Variants in NSD3 observed in about 807,000 individuals in gnomAD.
NSD3 encodes the protein histone-lysine N-methyltransferase NSD3.
In NSD3, 24 loss-of-function variants were observed where a neutral mutation model predicts 160.8. The observed-to-expected ratio is 0.15, with a 90% confidence interval of 0.11 to 0.21. The LOEUF is 0.21. Ranked by LOEUF, NSD3 falls within the 10% of genes least tolerant of loss-of-function variation. The probability of loss-of-function intolerance (pLI) is 1.00; values close to 1 mark genes in which losing one functional copy is unlikely to be tolerated. For synonymous variants in NSD3, 520 were observed against 600.0 expected (o/e 0.87, Z 1.95); for missense variants, 1,157 against 1,735.9 (o/e 0.67, Z 5.93).
Position 38,331,477 on chromosome 8 carries a change from A to C in NSD3, c.1019T>G (p.Leu340Arg), listed in dbSNP as rs764316043. 6.2e-7 allele frequency: 1 copy of C among 1,610,780 alleles called. No homozygotes were observed. The highest frequency in any genetic ancestry group is 1.1e-5 in the South Asian group (1 of 90,124). The change falls in exon 5 of 24, where the codon CTG becomes CGG. Residue 340 changes from leucine (L) to arginine (R), a missense_variant. Physicochemically the swap from Leu to Arg is moderately radical, Grantham distance 102. This residue lies in a region of NSD3 where 168 missense variants were observed against 208.1 expected (regional missense o/e 0.81). Transcript: ENST00000317025. ...YKGHKQYEEL[L>R]AEATKQASNH... ...GCTGGCTTGTTTGGTTGCCTCAGCC[A>C]GTAATTCTTCATACTGTTTATGACC...
chr8:38,370,005 G>A (rs575154442), intron 1 of NSD3, among the ~76,000 whole-genome samples: 41 of 152,186 alleles, frequency 2.7e-4, no homozygotes, highest in African/African-American at 9.6e-4. Context: ...TGTTGACCAG[G>A]CTGGTCTCAA....
At chr8:38,359,648 A>G (rs1328962594) in intron 1 of NSD3, among the ~76,000 whole-genome samples, 1 of 152,258 alleles carries the variant, frequency 6.6e-6, no homozygotes, top group Non-Finnish European at 1.5e-5. Context: ...GATCTAATCT[A>G]GCCCTCACTA....
At position 38,276,758 on chromosome 8, in the gene NSD3, C is replaced by G. The variant is rs1457651706; in HGVS notation, c.3868-258G>C. On this transcript the variant is annotated intron_variant, in intron 22 of 23. Transcript: ENST00000317025. ...GAAGTGCAGTGGTGCAATCTTGGCT[C>G]ACTGCAGCCTCGACCTCCTGGGCTC... The G allele has an allele frequency of 3.0e-5, 14 of 473,822 alleles. No homozygotes were observed. The East Asian group carries it at 4.8e-4, about 16-fold the overall frequency. 29.4% of individuals were successfully genotyped at this position (473,822 alleles called of 1,614,324 possible).
At chr8:38,320,560 T>G (rs1295194678) in intron 8 of NSD3, 2 of 152,100 alleles carry the variant, frequency 1.3e-5, no homozygotes, top group Admixed American at 1.3e-4. Flanking sequence ...TGATATCAGG[T>G]GAATATTCCA....
At chr8:38,292,570 C>G (rs1809022782) in intron 16 of NSD3, among the ~76,000 whole-genome samples, 1 of 151,814 alleles carries the variant, frequency 6.6e-6, no homozygotes, top group African/African-American at 2.4e-5. Context: ...ATCACGAGGT[C>G]AGGAGATCGA....
chr8:38,325,536 C>T (rs960709453), intron 7 of NSD3, among the ~76,000 whole-genome samples: 2 of 152,174 alleles, frequency 1.3e-5, no homozygotes, highest in African/African-American at 2.4e-5. Context: ...ACCCACCAGA[C>T]ATTCAATTGA....
intron 12 of NSD3, among the ~76,000 whole-genome samples, chr8:38,312,981 C>T (rs1013215480): frequency 6.6e-6 from 1 of 152,084 alleles, no homozygotes; most frequent in Admixed American, 6.6e-5. Context: ...ATGTGAGGAG[C>T]CAGGATTACA....
chr8:38,292,593 C>T (rs1041202603), intron 16 of NSD3, among the ~76,000 whole-genome samples: 46 of 151,716 alleles, frequency 3.0e-4, no homozygotes, highest in African/African-American at 9.7e-4. Flanking sequence ...CCATCCTGGC[C>T]AACATGGTGA....
chr8:38,284,046 C>T (rs370107850), intron 19 of NSD3, among the ~76,000 whole-genome samples: 12 of 152,000 alleles, frequency 7.9e-5, no homozygotes, highest in East Asian at 3.9e-4. Context: ...AAGGCTGCAG[C>T]GAGCTGTGAC....
chr8:38,293,225 TTTAAATGG>T, intron 16 of NSD3, among the ~76,000 whole-genome samples: 1 of 151,364 alleles, frequency 6.6e-6, no homozygotes, highest in Non-Finnish European at 1.5e-5. Flanking sequence ...AGTTCTAAAA[TTTAAATGG>T]GTAAACATGT....
At chr8:38,296,030 T>C in intron 15 of NSD3, 78 bp from the exon 16 acceptor site, 2 of 1,395,604 alleles carry the variant, frequency 1.4e-6, no homozygotes, top group Non-Finnish European at 1.9e-6. Flanking sequence ...AGTTATCTTT[T>C]CAGCACATTA....
At chr8:38,378,975 C>T (rs986217257) in intron 1 of NSD3, among the ~76,000 whole-genome samples, 10 of 152,164 alleles carry the variant, frequency 6.6e-5, no homozygotes, top group East Asian at 5.8e-4. Flanking sequence ...ATTCCAGAAA[C>T]GCTGTCATTA....
chr8:38,317,183 G>A lies in NSD3; in HGVS notation c.1856-1141C>T. 9.4e-7 allele frequency: 1 copy of A among 1,063,276 alleles called. No individual in the cohort carries two copies. The highest frequency in any genetic ancestry group is 1.1e-6 in the Non-Finnish European group (1 of 877,800). 65.9% of individuals were successfully genotyped at this position (1,063,276 alleles called of 1,614,324 possible). ...ATAGCCACGTTCTGTGGTGGAGGAG[G>A]TGGGCCTCGTTAGACTGCTCAGATT... On this transcript the variant is annotated intron_variant, in intron 9 of 23. Transcript: ENST00000317025. This position sits in a 1 kb window ranked among gnomAD's most constrained non-coding sequence, Gnocchi z 5.3.
At position 38,318,813 on chromosome 8, in the gene NSD3, C is replaced by A; in HGVS notation, c.1855+82G>T. ...AGCAACAACGATTTACAGAGACAGA[C>A]AAAAATACATGAAGTACAAATAATT... On this transcript the variant is annotated intron_variant, in intron 9 of 23. Coordinates refer to ENST00000317025, the MANE Select transcript of NSD3 (RefSeq NM_023034.2). This position sits in a 1 kb window ranked among gnomAD's most constrained non-coding sequence, Gnocchi z 5.3. 7.3e-7 allele frequency: 1 copy of A among 1,370,164 alleles called. No individual in the cohort carries two copies. Among genetic ancestry groups the A allele is most frequent in the East Asian group, 2.3e-5 (1 of 43,350 alleles). 84.9% of individuals were successfully genotyped at this position (1,370,164 alleles called of 1,614,324 possible).
Position 38,275,617 on chromosome 8 carries a change from TAGAA to T in NSD3, c.*20_*23del. On this transcript the variant is annotated 3_prime_UTR_variant, in exon 24 of 24. Coordinates refer to ENST00000317025, the MANE Select transcript of NSD3 (RefSeq NM_023034.2). ...GATCTATTTGCTTTTTTCACTTAAA[TAGAA>T]AGGAGGGGACACCACACATTTATTC... The T allele has an allele frequency of 6.3e-7, 1 of 1,596,922 alleles. No homozygotes were observed. Among genetic ancestry groups the T allele is most frequent in the Non-Finnish European group, 8.6e-7 (1 of 1,169,076 alleles).
At position 38,274,354 on chromosome 8, in the gene NSD3, C is replaced by T. The variant is rs1808550422; in HGVS notation, c.*1287G>A. 1 of 152,212 alleles carries T rather than the reference C, an allele frequency of 6.6e-6. No individual in the cohort carries two copies. The allele number at this position is 152,212 out of a possible 1,614,324, so 9.4% of individuals were successfully genotyped here. A position where few individuals can be genotyped will look rare whatever the true frequency, so the allele number is the denominator to read the frequency against. On this transcript the variant is annotated 3_prime_UTR_variant, in exon 24 of 24. Transcript: ENST00000317025. ...TCACCATCAACCATTTTTGCTAACA[C>T]TGACTTTCTTGGGAGTTTTCTCCAA... is the stretch of plus-strand genomic sequence containing the variant.
chr8:38,381,590 C>T (rs1219040787), intron 1 of NSD3: 3 of 143,466 alleles, frequency 2.1e-5, no homozygotes, highest in Admixed American at 7.0e-5. Context: ...CACCCCCCAC[C>T]TTGCCATCTG....
intron 1 of NSD3, among the ~76,000 whole-genome samples, chr8:38,378,829 A>C (rs565106959): frequency 2.4e-3 from 364 of 150,198 alleles, no homozygotes; most frequent in African/African-American, 8.3e-3. Flanking sequence ...ATCTCTCAAA[A>C]AAAAAAAAAA....
intron 22 of NSD3, among the ~76,000 whole-genome samples, chr8:38,277,924 C>A (rs1294708207): frequency 6.6e-6 from 1 of 151,458 alleles, no homozygotes. Context: ...TGGTCACAAA[C>A]ACACAAACAG....
Sources: gnomAD v4.1 joint callset for allele counts (sites outside exome capture counted in the v4.1 genomes callset) on GRCh38, gnomAD v4.1.1 for gene constraint, gnomAD v4.1.1 regional missense constraint, Gnocchi (gnomAD v3.1) non-coding constraint, MANE v1.5 for transcripts, NCBI Gene and HGNC (gene_info 2026-07-23, HGNC 2026-07-21) for gene names.